CLIC5: variants seen among roughly 807,000 people sequenced by gnomAD.
CLIC5 encodes chloride intracellular channel protein 5.
In CLIC5, 20 loss-of-function variants were observed where a neutral mutation model predicts 24.7. The ratio of observed to expected loss-of-function variants is 0.81; its 90% CI spans 0.57 to 1.18. The LOEUF is 1.18. CLIC5 is among the 50% of genes most tolerant of loss of function. The probability of loss-of-function intolerance (pLI) is 0.00; values close to 1 mark genes in which losing one functional copy is unlikely to be tolerated. For synonymous variants in CLIC5, 159 were observed against 135.6 expected, an observed-to-expected ratio of 1.17 and a Z score of -1.20; for missense variants, 341 against 326.1, an observed-to-expected ratio of 1.05 and a Z score of -0.35.
chr6:45,914,516 A>G (rs1027786523), intron 4 of CLIC5, 107 bp from the exon 5 acceptor site: 1 of 1,318,338 alleles, frequency 7.6e-7, no homozygotes, highest in Non-Finnish European at 9.7e-7. Context: ...CCCCTTCATC[A>G]CACTGCCAGC....
intron 4 of CLIC5, among the ~76,000 whole-genome samples, chr6:45,916,491 G>C (rs1460864284): frequency 6.6e-6 from 1 of 152,134 alleles, no homozygotes; most frequent in Non-Finnish European, 1.5e-5. Flanking sequence ...TTATAATGAA[G>C]AAAGGAAGAA....
At chr6:45,908,057 G>A (rs1323326929) in intron 5 of CLIC5, among the ~76,000 whole-genome samples, 1 of 152,164 alleles carries the variant, frequency 6.6e-6, no homozygotes, top group African/African-American at 2.4e-5. Context: ...TGTGTGCATA[G>A]GGATGTTCAT....
At chr6:45,905,841 T>G (rs1004430729) in intron 5 of CLIC5, among the ~76,000 whole-genome samples, 2 of 152,248 alleles carry the variant, frequency 1.3e-5, no homozygotes, top group African/African-American at 4.8e-5. Flanking sequence ...TCTAAGATTC[T>G]TACAAGTTGA....
chr6:46,120,236 G>A, the CLIC5 span, among the ~76,000 whole-genome samples: 5 of 152,122 alleles, frequency 3.3e-5, no homozygotes, highest in East Asian at 1.9e-4. Context: ...AGATGAAACC[G>A]CCAGAGGAAC....
chr6:46,027,294 C>T (rs1206939400), intron 1 of CLIC5, among the ~76,000 whole-genome samples: 1 of 152,102 alleles, frequency 6.6e-6, no homozygotes, highest in African/African-American at 2.4e-5. Flanking sequence ...AAGCCCAGAC[C>T]TGAAAGATGA....
In CLIC5 at chr6:45,998,221, C is replaced by T. The variant is rs539291936; in HGVS notation, c.63+17259G>A. 1.9e-3 allele frequency among the ~76,000 whole-genome samples: 286 copies of T among 152,296 alleles called. 2 individuals are homozygous for T. The highest frequency in any genetic ancestry group is 3.0e-3 in the Non-Finnish European group (201 of 68,020). ...CACGGTGACATCCTGGAAAGACCTGCTGTGAGTTCCCACTAGGGAAGTGGA... is the reference window on the plus strand; with the variant it reads ...CACGGTGACATCCTGGAAAGACCTGTTGTGAGTTCCCACTAGGGAAGTGGA... On this transcript the variant is annotated intron_variant, in intron 1 of 5. Coordinates refer to ENST00000339561, the MANE Select transcript of CLIC5 (RefSeq NM_016929.5).
intron 6 of CLIC5, among the ~76,000 whole-genome samples, chr6:45,885,242 C>T (rs149640606): frequency 2.6e-5 from 4 of 152,268 alleles, no homozygotes; most frequent in East Asian, 1.9e-4. Context: ...AGAGCTCTCT[C>T]GCCCTGTTTC....
At chr6:45,904,355 T>C (rs1762591035) in intron 5 of CLIC5, among the ~76,000 whole-genome samples, 1 of 152,030 alleles carries the variant, frequency 6.6e-6, no homozygotes, top group Admixed American at 6.5e-5. Context: ...ATTTTCTTAA[T>C]GGGGACAGCA....
intron 1 of CLIC5, among the ~76,000 whole-genome samples, chr6:45,972,607 G>A (rs947193072): frequency 6.6e-6 from 1 of 152,212 alleles, no homozygotes; most frequent in African/African-American, 2.4e-5. Flanking sequence ...AGCAACATCA[G>A]CATCCTTTAG....
At chr6:46,078,234 C>T (rs1336740868) in intron 1 of CLIC5, among the ~76,000 whole-genome samples, 1 of 152,046 alleles carries the variant, frequency 6.6e-6, no homozygotes, top group Non-Finnish European at 1.5e-5. Flanking sequence ...GTGGCACATG[C>T]CTGTAATCCC....
the CLIC5 span, among the ~76,000 whole-genome samples, chr6:46,094,243 T>C: frequency 6.6e-6 from 1 of 152,194 alleles, no homozygotes; most frequent in African/African-American, 2.4e-5. Context: ...ATCCAAACCA[T>C]ATAATTCAGT....
chr6:45,925,768 T>C (rs940998595), intron 4 of CLIC5, among the ~76,000 whole-genome samples: 1 of 152,194 alleles, frequency 6.6e-6, no homozygotes, highest in Non-Finnish European at 1.5e-5. Context: ...AAGCTTTAAC[T>C]CTGTAGAGGA....
At chr6:46,108,032 C>CAAA in the CLIC5 span, among the ~76,000 whole-genome samples, 296 of 32,016 alleles carry the variant, frequency 9.2e-3, no homozygotes, top group African/African-American at 0.012. Flanking sequence ...AAAACTCCAT[C>CAAA]AAAAAAAAAA....
At chr6:45,914,765 A>T (rs6937735) in intron 4 of CLIC5, among the ~76,000 whole-genome samples, 16,060 of 151,646 alleles carry the variant, frequency 0.11, 1,237 homozygotes, top group African/African-American at 0.21. Context: ...ACCCTAGCCA[A>T]TATGGTGAAA....
chr6:45,911,646 T>C, intron 5 of CLIC5: 1 of 985,394 alleles, frequency 1.0e-6, no homozygotes, highest in African/African-American at 1.7e-5. Flanking sequence ...AAATTTTATT[T>C]TCAGGATTTT....
chr6:45,980,873 G>T (rs2127413854), intron 1 of CLIC5, among the ~76,000 whole-genome samples: 1 of 152,256 alleles, frequency 6.6e-6, no homozygotes, highest in Non-Finnish European at 1.5e-5. Flanking sequence ...AACTCATTGT[G>T]TCTTTTTTCC....
intron 1 of CLIC5, among the ~76,000 whole-genome samples, chr6:46,041,359 T>C (rs907700623): frequency 6.6e-6 from 1 of 152,238 alleles, no homozygotes; most frequent in Non-Finnish European, 1.5e-5. Flanking sequence ...AAATAATTAA[T>C]GGTCCCATTA....
At chr6:46,088,242 T>G in the CLIC5 span, among the ~76,000 whole-genome samples, 2 of 151,750 alleles carry the variant, frequency 1.3e-5, no homozygotes, top group Non-Finnish European at 2.9e-5. Context: ...TTATAAAAAT[T>G]GTTACTCTGA....
chr6:45,921,520 CTT>C (rs1262655549), intron 4 of CLIC5, among the ~76,000 whole-genome samples: 1 of 151,782 alleles, frequency 6.6e-6, no homozygotes, highest in African/African-American at 2.4e-5. Context: ...CAGAGTGAGA[CTT>C]GATTAAAGTT....
Sources: allele counts gnomAD v4.1 joint callset (sites outside exome capture counted in the v4.1 genomes callset), GRCh38; gene constraint gnomAD v4.1.1; transcripts MANE v1.5; gene names NCBI Gene and HGNC (gene_info 2026-07-23, HGNC 2026-07-21).